The following DTYMK variants were observed in gnomAD, a reference collection of about 807,000 sequenced individuals.
DTYMK encodes thymidylate kinase.
Under a neutral mutation model 20.3 loss-of-function variants are expected in DTYMK, and 20 were observed. The observed-to-expected ratio is 0.99, with a 90% CI of 0.69 to 1.43. The LOEUF is 1.43. DTYMK is among the 40% of genes most tolerant of loss of function. The pLI is 0.00. For synonymous variants in DTYMK, 148 were observed against 124.4 expected (o/e 1.19, Z -1.27); for missense variants, 320 against 291.1 (o/e 1.10, Z -0.72).
Position 241,678,465 on chromosome 2 carries a change from GT to G in DTYMK, c.514del (p.Thr172LeufsTer2). ...RCFHQLMKDT[T>X]LNWKMVDASK... The stretch of plus-strand genomic sequence containing the variant: ...TGGGATTCTCACCTTCCAGTTCAAA[GT>G]CGTGTCTTTCATGAGCTGGTGGAAA... On this transcript the variant is annotated frameshift_variant, in exon 4 of 5. Transcript: ENST00000305784. LOFTEE classifies it low-confidence loss of function (END_TRUNC). 6.2e-7 allele frequency: 1 copy of G among 1,614,160 alleles called. No individual in the cohort carries two copies. The highest frequency in any genetic ancestry group is 8.5e-7 in the Non-Finnish European group (1 of 1,180,024).
chr2:241,681,007 C>T (rs976766636), intron 2 of DTYMK, among the ~76,000 whole-genome samples: 2 of 152,162 alleles, frequency 1.3e-5, no homozygotes, highest in Non-Finnish European at 2.9e-5. Flanking sequence ...GCGGGGGAAG[C>T]GTGGGCACAG....
At chr2:241,677,083 C>G (rs578088125) in intron 4 of DTYMK, among the ~76,000 whole-genome samples, 2 of 152,386 alleles carry the variant, frequency 1.3e-5, no homozygotes, top group Admixed American at 1.3e-4. Flanking sequence ...GAGAGGGACT[C>G]AGAAGCGCTG....
chr2:241,677,943 G>A (rs985581996), intron 4 of DTYMK, among the ~76,000 whole-genome samples: 6 of 152,168 alleles, frequency 3.9e-5, no homozygotes, highest in African/African-American at 1.4e-4. Context: ...CAGACAAAGC[G>A]CCAAATGTCA....
chr2:241,680,020 T>C (rs1002316873), intron 3 of DTYMK, among the ~76,000 whole-genome samples: 5 of 149,856 alleles, frequency 3.3e-5, no homozygotes, highest in South Asian at 2.1e-4. Flanking sequence ...ATACCAACTA[T>C]GGTTCTATCT....
intron 4 of DTYMK, among the ~76,000 whole-genome samples, chr2:241,677,996 C>T (rs1258507616): frequency 6.6e-6 from 1 of 152,124 alleles, no homozygotes; most frequent in Non-Finnish European, 1.5e-5. Flanking sequence ...CTGGCACTGG[C>T]CGGGCGCGAT....
intron 3 of DTYMK, among the ~76,000 whole-genome samples, chr2:241,679,270 G>A (rs1011890227): frequency 3.9e-5 from 6 of 152,200 alleles, no homozygotes; most frequent in Admixed American, 3.9e-4. Flanking sequence ...GAAAGGCTGT[G>A]ACTGCAGGCC....
In DTYMK at chr2:241,680,301, CTTTTCCTTAAT is replaced by C. The variant is rs781637420; in HGVS notation, c.247_257del (p.Ile83ValfsTer32). On this transcript the variant is annotated frameshift_variant, in exon 3 of 5. Transcript: ENST00000305784. LOFTEE classifies it high-confidence loss of function. ...CGACGAGGGTCACGCCCTGGCTCAA[CTTTTCCTTAAT>C]TAACGGCCTGAAAAAGAGGATGCTC... 2 of 1,614,150 alleles carry C rather than the reference CTTTTCCTTAAT, an allele frequency of 1.2e-6. No homozygotes were observed. The highest frequency in any genetic ancestry group is 1.7e-6 in the Non-Finnish European group (2 of 1,180,018).
Position 241,678,523 on chromosome 2 carries a change from T to A in DTYMK, c.457A>T (p.Asn153Tyr), listed in dbSNP as rs769442724. 1 of 1,614,188 alleles carries A rather than the reference T, an allele frequency of 6.2e-7. No homozygotes were observed. Among genetic ancestry groups the A allele is most frequent in the Admixed American group, 1.7e-5 (1 of 60,028 alleles). The change falls in exon 4 of 5, where the codon AAC becomes TAC. Residue 153 changes from asparagine (N) to tyrosine (Y), a missense_variant. Coordinates refer to ENST00000305784, the MANE Select transcript of DTYMK (RefSeq NM_012145.4). ...RGAFGHERYE[N>Y]GAFQERALRC... The stretch of plus-strand genomic sequence containing the variant: ...AGCGCCCGCTCCTGGAAAGCCCCGT[T>A]CTCATAGCGCTCATGGCCAAACGCT...
At chr2:241,676,584 T>C (rs1040520056) in intron 4 of DTYMK, among the ~76,000 whole-genome samples, 3 of 152,200 alleles carry the variant, frequency 2.0e-5, no homozygotes, top group African/African-American at 7.2e-5. Context: ...CCCACACCTT[T>C]CTCTGAACCT....
At chr2:241,679,049 T>A (rs1305991005) in intron 3 of DTYMK, among the ~76,000 whole-genome samples, 1 of 152,154 alleles carries the variant, frequency 6.6e-6, no homozygotes, top group East Asian at 1.9e-4. Flanking sequence ...ACGAGGTCCT[T>A]GGCAGTGTCT....
At chr2:241,678,299 C>T (rs994704810) in intron 4 of DTYMK, among the ~76,000 whole-genome samples, 153 bp downstream of exon 4, 2 of 152,038 alleles carry the variant, frequency 1.3e-5, no homozygotes, top group African/African-American at 2.4e-5. Flanking sequence ...TTGCTGGCAC[C>T]GAGAACCCCT....
intron 4 of DTYMK, among the ~76,000 whole-genome samples, chr2:241,676,774 C>T (rs2125158920): frequency 6.6e-6 from 1 of 152,360 alleles, no homozygotes; most frequent in South Asian, 2.1e-4. Flanking sequence ...CCAGACCCAC[C>T]CAGCCCACCA....
intron 2 of DTYMK, among the ~76,000 whole-genome samples, chr2:241,684,257 CG>C (rs1559288121): frequency 6.6e-6 from 1 of 152,170 alleles, no homozygotes; most frequent in African/African-American, 2.4e-5. Context: ...TGGGCATATA[CG>C]TGTTTCATCA....
chr2:241,679,094 G>A (rs1212415925), intron 3 of DTYMK, among the ~76,000 whole-genome samples: 3 of 152,208 alleles, frequency 2.0e-5, no homozygotes, highest in African/African-American at 4.8e-5. Flanking sequence ...CTCCTCTCCC[G>A]TGGAAGAGCA....
intron 2 of DTYMK, chr2:241,685,555 A>G (rs2069369458): frequency 4.4e-6 from 2 of 458,914 alleles, no homozygotes; most frequent in Non-Finnish European, 7.9e-6. Context: ...TCTATTAGTT[A>G]TGGGGTGTGG....
chr2:241,676,025 T>TG lies in DTYMK; in HGVS notation c.*101dup. 9.0e-7 allele frequency: 1 copy of TG among 1,115,720 alleles called. No individual in the cohort carries two copies. Among genetic ancestry groups the TG allele is most frequent in the Non-Finnish European group, 1.2e-6 (1 of 808,586 alleles). The allele number at this position is 1,115,720 out of a possible 1,614,324, so 69.1% of individuals were successfully genotyped here. ...ATCTCTGCTGCCGGGAAAGAGCTCC[T>TG]GAAGTTGTGGGGTCTGGACTCTGCT... On this transcript the variant is annotated 3_prime_UTR_variant, in exon 5 of 5. Transcript: ENST00000305784.
intron 3 of DTYMK, among the ~76,000 whole-genome samples, chr2:241,679,710 T>C (rs2069196041): frequency 6.6e-6 from 1 of 152,194 alleles, no homozygotes; most frequent in Non-Finnish European, 1.5e-5. Context: ...GGCTCATGCC[T>C]GTAATCCTAG....
intron 2 of DTYMK, among the ~76,000 whole-genome samples, chr2:241,681,534 T>G (rs1055782023): frequency 6.6e-6 from 1 of 150,732 alleles, no homozygotes; most frequent in Non-Finnish European, 1.5e-5. Flanking sequence ...CCACAAAAAG[T>G]GGGGGAAAAA....
At chr2:241,685,206 T>TA (rs540179173) in intron 2 of DTYMK, 4,219 of 141,090 alleles carry the variant, frequency 0.03, 247 homozygotes, top group East Asian at 0.23. Flanking sequence ...GTCTTAAAAA[T>TA]AAAAAAAAAA....
Sources: gnomAD v4.1 joint callset for allele counts (sites outside exome capture counted in the v4.1 genomes callset) on GRCh38, gnomAD v4.1.1 for gene constraint, MANE v1.5 for transcripts, NCBI Gene and HGNC (gene_info 2026-07-23, HGNC 2026-07-21) for gene names.